Variants in DESI2 observed in about 807,000 individuals in gnomAD.
DESI2 encodes the protein desumoylating isopeptidase 2.
DESI2 carries 10 observed loss-of-function variants against 24.1 expected under a neutral mutation model. The ratio of observed to expected loss-of-function variants is 0.41; its 90% CI spans 0.26 to 0.70. The LOEUF (loss-of-function observed/expected upper bound fraction) is 0.70, where lower values mean the gene tolerates loss of function less well. Among genes scored for constraint, DESI2 ranks in the 30% least tolerant of loss-of-function variants. The pLI is 0.29. For missense variants in DESI2, 122 were observed against 234.9 expected (o/e 0.52, Z 3.14); for synonymous variants, 71 against 87.7 (o/e 0.81, Z 1.06).
Position 244,707,098 on chromosome 1 carries a change from A to G in DESI2, c.*1309A>G, listed in dbSNP as rs1677736361. ...TCTGCCTTAAGAATGAATGTCCTTC[A>G]TAAAATATTGGATGCAGTGTAACAC... On this transcript the variant is annotated 3_prime_UTR_variant, in exon 5 of 5. Coordinates refer to ENST00000302550, the MANE Select transcript of DESI2 (RefSeq NM_016076.5). The G allele has an allele frequency of 6.5e-6, 1 of 152,676 alleles. No homozygotes were observed. Among genetic ancestry groups the G allele is most frequent in the African/African-American group, 2.4e-5 (1 of 41,472 alleles). The allele number at this position is 152,676 out of a possible 1,614,324, so 9.5% of individuals were successfully genotyped here.
chr1:244,689,775 G>T lies in DESI2; in HGVS notation c.209+433G>T, dbSNP rs1676956976. ...TCCACCTGCCTCGGCCTCCCAAAGT[G>T]CTGGGATTACAGGCGTGAGCCACCA... On this transcript the variant is annotated intron_variant, in intron 3 of 4. Coordinates refer to ENST00000302550, the MANE Select transcript of DESI2 (RefSeq NM_016076.5). The surrounding 1 kb of genome is among the most constrained non-coding windows in gnomAD (Gnocchi z 4.0). 6.6e-6 allele frequency among the ~76,000 whole-genome samples: 1 copy of T among 152,170 alleles called. No individual in the cohort carries two copies.
intron 1 of DESI2, among the ~76,000 whole-genome samples, chr1:244,675,834 T>C (rs1197906369): frequency 6.6e-6 from 1 of 152,218 alleles, no homozygotes; most frequent in Non-Finnish European, 1.5e-5. Flanking sequence ...AGAATGGCAG[T>C]GAATCTTCAG....
intron 1 of DESI2, among the ~76,000 whole-genome samples, chr1:244,668,558 TCTTATA>T (rs1384520326): frequency 1.3e-5 from 2 of 152,344 alleles, no homozygotes; most frequent in African/African-American, 4.8e-5. Context: ...AAATGGTTAT[TCTTATA>T]CTTATCCAGA....
chr1:244,677,789 G>A (rs995902127), intron 1 of DESI2, among the ~76,000 whole-genome samples: 1 of 152,088 alleles, frequency 6.6e-6, no homozygotes, highest in African/African-American at 2.4e-5. Flanking sequence ...GCATGGTGGT[G>A]CATGCCTCTA....
At position 244,689,938 on chromosome 1, in the gene DESI2, TTGAAA is replaced by T. The variant is rs1324917704; in HGVS notation, c.209+598_209+602del. Among the ~76,000 whole-genome samples the T allele has an allele frequency of 6.6e-6, 1 of 152,200 alleles. No individual in the cohort carries two copies. Among genetic ancestry groups the T allele is most frequent in the Non-Finnish European group, 1.5e-5 (1 of 68,032 alleles). On this transcript the variant is annotated intron_variant, in intron 3 of 4. Coordinates refer to ENST00000302550, the MANE Select transcript of DESI2 (RefSeq NM_016076.5). The surrounding 1 kb of genome is among the most constrained non-coding windows in gnomAD (Gnocchi z 4.0). ...CCAATGAAAGGGACACTTTACACGT[TTGAAA>T]TAATTAAACAGTTGATTAGCGTAGA...
intron 1 of DESI2, among the ~76,000 whole-genome samples, chr1:244,674,321 C>CTTT (rs35687515): frequency 1.4e-5 from 2 of 147,492 alleles, no homozygotes; most frequent in African/African-American, 5.0e-5. Context: ...TCATAACGGT[C>CTTT]TTTTTTTTTT....
At chr1:244,663,199 T>A (rs1675907333) in intron 1 of DESI2, among the ~76,000 whole-genome samples, 1 of 152,092 alleles carries the variant, frequency 6.6e-6, no homozygotes, top group African/African-American at 2.4e-5. Context: ...TTTTTCCTTT[T>A]TTTTGACATG....
intron 4 of DESI2, among the ~76,000 whole-genome samples, chr1:244,696,646 AAAC>A (rs1334602161): frequency 1.3e-5 from 2 of 152,150 alleles, no homozygotes; most frequent in Non-Finnish European, 2.9e-5. Context: ...TGTTTTCAAA[AAAC>A]AAGTTGGTTC....
chr1:244,690,276 G>A (rs1429395672), intron 3 of DESI2, among the ~76,000 whole-genome samples: 1 of 152,110 alleles, frequency 6.6e-6, no homozygotes, highest in African/African-American at 2.4e-5. Context: ...GTGTCCAAGT[G>A]TTCTCATCGT....
intron 4 of DESI2, among the ~76,000 whole-genome samples, chr1:244,702,238 G>A (rs909581755): frequency 2.0e-5 from 3 of 152,230 alleles, no homozygotes; most frequent in African/African-American, 7.2e-5. Context: ...GCTTGGCTGG[G>A]CACGGTGGCT....
At chr1:244,687,169 A>G (rs778411989) in intron 2 of DESI2, among the ~76,000 whole-genome samples, 39 of 152,320 alleles carry the variant, frequency 2.6e-4, no homozygotes, top group Non-Finnish European at 4.6e-4. Context: ...TTTGAAGTCT[A>G]AAAACATTGC....
At chr1:244,694,494 CTG>C (rs1677141438) in intron 4 of DESI2, 2 of 779,074 alleles carry the variant, frequency 2.6e-6, no homozygotes, top group East Asian at 2.5e-5. Flanking sequence ...TTCACGGAAT[CTG>C]TGCCTGAATC....
intron 3 of DESI2, among the ~76,000 whole-genome samples, chr1:244,690,848 C>T (rs1200453964): frequency 1.3e-5 from 2 of 152,184 alleles, no homozygotes; most frequent in African/African-American, 4.8e-5. Flanking sequence ...GAGAGCTACA[C>T]ATTAAGCCCT....
chr1:244,657,364 T>C (rs1165858838), intron 1 of DESI2, among the ~76,000 whole-genome samples: 1 of 152,190 alleles, frequency 6.6e-6, no homozygotes, highest in Non-Finnish European at 1.5e-5. Context: ...AGGAACAAAC[T>C]TCTTCCCTTT....
intron 1 of DESI2, among the ~76,000 whole-genome samples, chr1:244,683,582 A>G (rs887713464): frequency 1.3e-5 from 2 of 152,142 alleles, no homozygotes; most frequent in Non-Finnish European, 2.9e-5. Context: ...AAGTGCTGGG[A>G]TTACAGGCGT....
At chr1:244,697,867 G>A (rs1677281907) in intron 4 of DESI2, among the ~76,000 whole-genome samples, 1 of 152,164 alleles carries the variant, frequency 6.6e-6, no homozygotes, top group Non-Finnish European at 1.5e-5. Context: ...AGGAAAAAAG[G>A]TTGAATCAGT....
chr1:244,680,893 G>A (rs569017361), intron 1 of DESI2, among the ~76,000 whole-genome samples: 30 of 149,540 alleles, frequency 2.0e-4, no homozygotes, highest in Middle Eastern at 3.5e-3. Flanking sequence ...TTGCCCTTTC[G>A]TCTACTTGTA....
At chr1:244,694,638 A>C in intron 4 of DESI2, 1 of 840,782 alleles carries the variant, frequency 1.2e-6, no homozygotes, top group Non-Finnish European at 2.1e-6. Context: ...CAACTTCTGA[A>C]GGTGGTAGGC....
At chr1:244,694,615 A>G in intron 4 of DESI2, 1 of 850,174 alleles carries the variant, frequency 1.2e-6, no homozygotes, top group South Asian at 1.3e-5. Flanking sequence ...GGGTAGCCAC[A>G]TTTGCCACAG....
Sources: allele counts gnomAD v4.1 joint callset (sites outside exome capture counted in the v4.1 genomes callset), GRCh38; gene constraint gnomAD v4.1.1; non-coding constraint Gnocchi (gnomAD v3.1); transcripts MANE v1.5; gene names NCBI Gene and HGNC (gene_info 2026-07-23, HGNC 2026-07-21).